Variants in CCDC83 observed in about 807,000 individuals in gnomAD.
CCDC83 encodes the protein coiled-coil domain-containing protein 83.
A neutral mutation model predicts 50.1 loss-of-function variants in CCDC83; 54 were observed. That is an observed-to-expected ratio of 1.08 (90% CI 0.87 to 1.35). The LOEUF (loss-of-function observed/expected upper bound fraction) is 1.35. Ranked by LOEUF, CCDC83 falls within the 40% of genes most tolerant of loss-of-function variation. CCDC83 has a pLI of 0.00. For missense variants in CCDC83, 518 were observed against 473.9 expected, an observed-to-expected ratio of 1.09 and a Z score of -0.86; for synonymous variants, 161 against 153.3, an observed-to-expected ratio of 1.05 and a Z score of -0.37.
In CCDC83 at chr11:85,873,288, A is replaced by G; in HGVS notation, c.173A>G (p.His58Arg). Residue 58 changes from histidine (H) to arginine (R), a missense_variant, in exon 3 of 11, where the codon CAT (histidine) becomes CGT (arginine). Coordinates refer to ENST00000342404, the MANE Select transcript of CCDC83 (RefSeq NM_001286159.2). The part of the protein sequence containing the change: ...KTLRKKNQKY[H>R]ERNSRLKEEQ... Reference sequence around the variant, plus strand: ...CTTAGGAAAAAGAACCAAAAATATCATGAAAGAGTGAGTATAAAATTTAGA... The same window carrying G: ...CTTAGGAAAAAGAACCAAAAATATCGTGAAAGAGTGAGTATAAAATTTAGA... 1.4e-6 allele frequency: 2 copies of G among 1,425,376 alleles called. No homozygotes were observed. The highest frequency in any genetic ancestry group is 1.9e-6 in the Non-Finnish European group (2 of 1,032,588). 88.3% of individuals were successfully genotyped at this position (1,425,376 alleles called of 1,614,324 possible). A position where few individuals can be genotyped will look rare whatever the true frequency, so the allele number is the denominator to read the frequency against.
At position 85,882,603 on chromosome 11, in the gene CCDC83, A is replaced by T. The variant is rs1166633302; in HGVS notation, c.271A>T (p.Thr91Ser). The T allele has an allele frequency of 1.1e-5, 18 of 1,613,990 alleles. No homozygotes were observed. Among genetic ancestry groups the T allele is most frequent in the Non-Finnish European group, 1.5e-5 (18 of 1,179,960 alleles). ...EEKAEGLPVVTREDVEEAMKE... is the reference protein window; with the variant it reads ...EEKAEGLPVVSREDVEEAMKE... The stretch of plus-strand genomic sequence containing the variant: ...GAAGGCAGAGGGATTGCCAGTTGTA[A>T]CAAGAGAGGATGTTGAAGAAGCGAT... The change falls in exon 4 of 11, where the codon ACA becomes TCA. Residue 91 changes from threonine to serine, a missense_variant. Thr to Ser is a moderately conservative substitution (Grantham distance 58, BLOSUM62 1). Transcript: ENST00000342404.
intron 7 of CCDC83, among the ~76,000 whole-genome samples, chr11:85,900,101 A>T (rs1047862733): frequency 6.6e-6 from 1 of 152,066 alleles, no homozygotes; most frequent in African/African-American, 2.4e-5. Context: ...GATGTGCAAA[A>T]CTCAATGTTT....
At chr11:85,855,216 G>T (rs1048247349), upstream of CCDC83, 1 of 152,368 alleles carries the variant, frequency 6.6e-6, no homozygotes, top group Non-Finnish European at 1.5e-5. Context: ...CTGTGGAGGG[G>T]ATGTCAGGAG....
intron 2 of CCDC83, among the ~76,000 whole-genome samples, chr11:85,871,174 C>A (rs79719453): frequency 0.14 from 20,941 of 151,926 alleles, 1,760 homozygotes; most frequent in Middle Eastern, 0.19. Context: ...TTCAAAAAAA[C>A]AAACAAACAA....
chr11:85,909,457 G>T (rs1265679238), intron 7 of CCDC83, among the ~76,000 whole-genome samples: 2 of 151,824 alleles, frequency 1.3e-5, no homozygotes, highest in South Asian at 2.1e-4. Context: ...TTGCTCTGTT[G>T]TCTCCCCATG....
At chr11:85,919,132 C>T (rs1456680452) in intron 10 of CCDC83, among the ~76,000 whole-genome samples, 1 of 152,172 alleles carries the variant, frequency 6.6e-6, no homozygotes, top group Admixed American at 6.5e-5. Context: ...ATCTTGCCTA[C>T]TGTGTATGCC....
At chr11:85,907,321 G>A (rs1273113342) in intron 7 of CCDC83, among the ~76,000 whole-genome samples, 1 of 151,994 alleles carries the variant, frequency 6.6e-6, no homozygotes, top group Non-Finnish European at 1.5e-5. Flanking sequence ...CAATTATCTG[G>A]TTTTATTTAG....
rs1336262895 is a variant in CCDC83, at chr11:85,915,475, T to C, written c.851T>C (p.Leu284Ser). Residue 284 changes from leucine (L) to serine (S), a missense_variant, in exon 9 of 11, where the codon TTG becomes TCG. Coordinates refer to ENST00000342404, the MANE Select transcript of CCDC83 (RefSeq NM_001286159.2). ...GLEVPPEEMS[L>S]ELPETHIEEK... is the part of the protein sequence containing the mutation. ...GAAGTGCCACCTGAAGAAATGTCTT[T>C]GGAATTGCCAGAAACACATATAGGT... 1.9e-6 allele frequency: 3 copies of C among 1,612,908 alleles called. No homozygotes were observed. The highest frequency in any genetic ancestry group is 2.5e-6 in the Non-Finnish European group (3 of 1,179,260).
chr11:85,911,215 A>G, intron 7 of CCDC83, 66 bp from the exon 8 acceptor site: 1 of 1,281,428 alleles, frequency 7.8e-7, no homozygotes, highest in Admixed American at 2.9e-5. Flanking sequence ...AAAAAAATAA[A>G]GAAAAGAAAA....
chr11:85,875,140 A>AGAGTAGAGACTGTGTGCT (rs1409414394), intron 3 of CCDC83, among the ~76,000 whole-genome samples: 2 of 152,250 alleles, frequency 1.3e-5, no homozygotes, highest in Admixed American at 6.5e-5. Flanking sequence ...TTATGGGTTC[A>AGAGTAGAGACTGTGTGCT]GAGTAGAGAC....
At chr11:85,857,280 G>A (rs1486284109) in intron 1 of CCDC83, among the ~76,000 whole-genome samples, 7 of 152,192 alleles carry the variant, frequency 4.6e-5, no homozygotes, top group African/African-American at 1.4e-4. Flanking sequence ...CATCCTCATT[G>A]AGACCCTCAT....
intron 7 of CCDC83, among the ~76,000 whole-genome samples, chr11:85,905,657 G>C (rs1294227166): frequency 1.3e-5 from 2 of 150,264 alleles, no homozygotes; most frequent in Non-Finnish European, 1.5e-5. Context: ...AAACCTCAAG[G>C]TGAGCTCAAC....
In CCDC83 at chr11:85,886,412, T is replaced by C. The variant is rs201708737; in HGVS notation, c.511+45T>C. ...GTTCAAGTTCAGTAAAAAACATCTT[T>C]AGTAGGGCATACATTGATGGAAGAA... On this transcript the variant is annotated intron_variant, in intron 5 of 10. Transcript: ENST00000342404. The C allele has an allele frequency of 1.7e-5, 25 of 1,480,748 alleles. No individual in the cohort carries two copies. The Middle Eastern group carries it at 7.1e-4, about 42-fold the overall frequency. 91.7% of individuals were successfully genotyped at this position (1,480,748 alleles called of 1,614,324 possible).
chr11:85,882,681 T>A lies in CCDC83; in HGVS notation c.343+6T>A. On this transcript the variant is annotated splice_donor_region_variant and intron_variant, in intron 4 of 10. Coordinates refer to ENST00000342404, the MANE Select transcript of CCDC83 (RefSeq NM_001286159.2). ...CCAGGAAAAAAACTTGAGAGGTGAT[T>A]TAGGAACATAGAAAACTATCATAGA... 6.2e-7 allele frequency: 1 copy of A among 1,612,422 alleles called. No individual in the cohort carries two copies.
chr11:85,857,591 A>G (rs577678972), intron 1 of CCDC83, among the ~76,000 whole-genome samples: 4 of 152,298 alleles, frequency 2.6e-5, no homozygotes, highest in South Asian at 2.1e-4. Context: ...ATGATGGCCA[A>G]TGGGATCCTG....
intron 3 of CCDC83, among the ~76,000 whole-genome samples, chr11:85,875,166 T>A (rs964304421): frequency 7.2e-5 from 11 of 152,184 alleles, no homozygotes; most frequent in Non-Finnish European, 1.5e-4. Context: ...GCTGATTGGT[T>A]TCTGAGCATG....
Position 85,915,438 on chromosome 11 carries a change from G to A in CCDC83, c.814G>A (p.Ala272Thr). The A allele has an allele frequency of 6.2e-7, 1 of 1,613,152 alleles. No homozygotes were observed. The highest frequency in any genetic ancestry group is 8.5e-7 in the Non-Finnish European group (1 of 1,179,574). The change falls in exon 9 of 11, where the codon GCT (alanine) becomes ACT (threonine). Residue 272 changes from alanine to threonine, a missense_variant. Coordinates refer to ENST00000342404, the MANE Select transcript of CCDC83 (RefSeq NM_001286159.2). ...TTTTAGGCGACTATATCTTACCCAAGCTGCTGGACTAGAAGTGCCACCTGA... is the reference window on the plus strand; with the variant it reads ...TTTTAGGCGACTATATCTTACCCAAACTGCTGGACTAGAAGTGCCACCTGA... Reference protein sequence around the residue: ...KIPRRLYLTQAAGLEVPPEEM... With the variant: ...KIPRRLYLTQTAGLEVPPEEM...
chr11:85,907,471 G>C (rs764434194), intron 7 of CCDC83, among the ~76,000 whole-genome samples: 18 of 152,166 alleles, frequency 1.2e-4, no homozygotes, highest in Non-Finnish European at 2.2e-4. Flanking sequence ...GGCTAACTTG[G>C]ATCTTTCAGG....
At chr11:85,876,085 G>C (rs1015242658) in intron 3 of CCDC83, among the ~76,000 whole-genome samples, 1 of 151,980 alleles carries the variant, frequency 6.6e-6, no homozygotes. Context: ...TCTCCTTTGG[G>C]TTCCAGGACC....
Sources: gnomAD v4.1 joint callset for allele counts (sites outside exome capture counted in the v4.1 genomes callset) on GRCh38, gnomAD v4.1.1 for gene constraint, MANE v1.5 for transcripts, NCBI Gene and HGNC (gene_info 2026-07-23, HGNC 2026-07-21) for gene names.